The following VWA3B variants were observed in gnomAD, a reference collection of about 807,000 sequenced individuals.
The protein encoded by VWA3B is von Willebrand factor A domain containing 3B.
In VWA3B, 138 loss-of-function variants were observed where a neutral mutation model predicts 158.3. That is an observed-to-expected ratio of 0.87 (90% CI 0.76 to 1.00). VWA3B has a LOEUF of 1.00. Ranked by LOEUF, VWA3B falls within the 50% of genes least tolerant of loss-of-function variation. VWA3B has a pLI of 0.00. For synonymous variants in VWA3B, 596 were observed against 587.3 expected, an observed-to-expected ratio of 1.01 and a Z score of -0.21; for missense variants, 1,555 against 1,565.1, an observed-to-expected ratio of 0.99 and a Z score of 0.11.
At chr2:98,303,070 G>T (rs1382610102) in intron 25 of VWA3B, among the ~76,000 whole-genome samples, 2 of 152,174 alleles carry the variant, frequency 1.3e-5, no homozygotes, top group African/African-American at 4.8e-5. Context: ...TGATGTGTGG[G>T]ACCATTCTGG....
chr2:98,330,425 C>G, the VWA3B span, among the ~76,000 whole-genome samples: 1 of 152,176 alleles, frequency 6.6e-6, no homozygotes, highest in African/African-American at 2.4e-5. Flanking sequence ...TTGTGCCCAT[C>G]AGAGAAACAT....
At chr2:98,244,110 T>C (rs557995157) in intron 19 of VWA3B, among the ~76,000 whole-genome samples, 2 of 152,348 alleles carry the variant, frequency 1.3e-5, no homozygotes, top group East Asian at 3.9e-4. Context: ...AATCAATAGC[T>C]GTGGGCACAG....
chr2:98,172,740 C>G lies in VWA3B; in HGVS notation c.1115-8276C>G, dbSNP rs572874677. On this transcript the variant is annotated intron_variant, in intron 8 of 27. Coordinates refer to ENST00000477737, the MANE Select transcript of VWA3B (RefSeq NM_144992.5). ...GATGGATATGGTGTCGTCCACTACA[C>G]TGAGAGAATGCTGGAGGAGAACTGG... Among the ~76,000 whole-genome samples the G allele has an allele frequency of 5.3e-5, 8 of 152,224 alleles. No individual in the cohort carries two copies. In the East Asian group the frequency reaches 9.6e-4, roughly 18 times the overall value.
In VWA3B at chr2:98,105,268, T is replaced by C. The variant is rs375179805; in HGVS notation, c.197-10384T>C. Reference sequence around the variant, plus strand: ...CTCATTCATTCATTCATTTATCCATTTGTACATCCATACTTATATATTCTG... The same window carrying C: ...CTCATTCATTCATTCATTTATCCATCTGTACATCCATACTTATATATTCTG... On this transcript the variant is annotated intron_variant, in intron 2 of 27. Coordinates refer to ENST00000477737, the MANE Select transcript of VWA3B (RefSeq NM_144992.5). Among the ~76,000 whole-genome samples the C allele has an allele frequency of 6.6e-5, 10 of 152,344 alleles. No individual in the cohort carries two copies. In the East Asian group the frequency reaches 1.5e-3, roughly 23 times the overall value.
chr2:98,105,764 A>AT (rs36103624), intron 2 of VWA3B, among the ~76,000 whole-genome samples: 16,343 of 148,556 alleles, frequency 0.11, 1,136 homozygotes, highest in African/African-American at 0.2. Context: ...CAAATGGTTC[A>AT]TTTTTTTTTT....
chr2:98,090,775 A>C lies in VWA3B; in HGVS notation c.-32-2286A>C, dbSNP rs148070864. On this transcript the variant is annotated intron_variant, in intron 1 of 27. Transcript: ENST00000477737. Reference sequence around the variant, plus strand: ...TTTTTTTGAGACTGAGTCTCGCTAAAGACAAGTTCTTGCTCTGTTGCCCAG... The same window carrying C: ...TTTTTTTGAGACTGAGTCTCGCTAACGACAAGTTCTTGCTCTGTTGCCCAG... Among the ~76,000 whole-genome samples, 373 of 152,116 alleles carry C rather than the reference A, an allele frequency of 2.5e-3. 3 individuals carry two copies. The highest frequency in any genetic ancestry group is 0.019 in the East Asian group (99 of 5,184).
chr2:98,271,959 A>C (rs951176655), intron 22 of VWA3B, among the ~76,000 whole-genome samples: 1 of 152,204 alleles, frequency 6.6e-6, no homozygotes, highest in African/African-American at 2.4e-5. Flanking sequence ...TGGGAAAAAC[A>C]GTTCTCTCAA....
chr2:98,122,443 G>A (rs1191425836), intron 5 of VWA3B, among the ~76,000 whole-genome samples: 1 of 152,190 alleles, frequency 6.6e-6, no homozygotes, highest in Non-Finnish European at 1.5e-5. Context: ...AATACTGAGG[G>A]CAATGGTTTG....
intron 1 of VWA3B, among the ~76,000 whole-genome samples, chr2:98,088,628 G>A (rs988976655): frequency 3.9e-5 from 6 of 152,056 alleles, no homozygotes; most frequent in African/African-American, 9.7e-5. Flanking sequence ...GCTCAACTCC[G>A]GTATGTTGTT....
At chr2:98,123,708 C>T (rs1409511407) in intron 5 of VWA3B, among the ~76,000 whole-genome samples, 1 of 152,168 alleles carries the variant, frequency 6.6e-6, no homozygotes, top group Non-Finnish European at 1.5e-5. Flanking sequence ...GGGTTGACAT[C>T]CTCAGAGACC....
chr2:98,295,505 C>A (rs1365543491), intron 23 of VWA3B, among the ~76,000 whole-genome samples: 2 of 152,200 alleles, frequency 1.3e-5, no homozygotes, highest in East Asian at 3.9e-4. Flanking sequence ...TACAGGACAA[C>A]CCCGACTGAG....
At chr2:98,230,022 G>T (rs1343450003) in intron 15 of VWA3B, 28 bp from the exon 16 acceptor site, 4 of 1,537,192 alleles carry the variant, frequency 2.6e-6, no homozygotes, top group Non-Finnish European at 1.7e-6. Flanking sequence ...CTCTTTTTTT[G>T]CTCGACTTTT....
intron 12 of VWA3B, among the ~76,000 whole-genome samples, chr2:98,201,509 T>G (rs1221180987): frequency 6.6e-6 from 1 of 152,218 alleles, no homozygotes; most frequent in African/African-American, 2.4e-5. Flanking sequence ...GCTAAGACTT[T>G]CAGTATGATG....
At chr2:98,161,127 C>T (rs1243884320) in intron 7 of VWA3B, among the ~76,000 whole-genome samples, 2 of 152,138 alleles carry the variant, frequency 1.3e-5, no homozygotes, top group Non-Finnish European at 1.5e-5. Flanking sequence ...TATTGGGCAT[C>T]AGTTAATTAT....
intron 7 of VWA3B, among the ~76,000 whole-genome samples, chr2:98,153,705 T>C (rs985107583): frequency 3.3e-5 from 5 of 152,356 alleles, no homozygotes; most frequent in Admixed American, 6.5e-5. Flanking sequence ...TTCAGAAGTC[T>C]CCTTCCTTCC....
intron 2 of VWA3B, among the ~76,000 whole-genome samples, chr2:98,112,938 C>T (rs1341012795): frequency 1.3e-5 from 2 of 151,822 alleles, no homozygotes; most frequent in Admixed American, 6.6e-5. Context: ...GCTGTGAAGC[C>T]CATACAGATA....
chr2:98,270,899 G>T lies in VWA3B; in HGVS notation c.3045+16G>T. The T allele has an allele frequency of 6.2e-7, 1 of 1,612,142 alleles. No homozygotes were observed. The highest frequency in any genetic ancestry group is 1.1e-5 in the South Asian group (1 of 90,952). Reference sequence around the variant, plus strand: ...CCCGGGAGAGGTGGGTGCCCTGGAGGTCTCTGTCTTTCCTCCCTCTCTGCC... The same window carrying T: ...CCCGGGAGAGGTGGGTGCCCTGGAGTTCTCTGTCTTTCCTCCCTCTCTGCC... On this transcript the variant is annotated intron_variant, in intron 22 of 27. Transcript: ENST00000477737.
chr2:98,190,300 A>T (rs911949230), intron 10 of VWA3B, among the ~76,000 whole-genome samples: 1 of 152,196 alleles, frequency 6.6e-6, no homozygotes, highest in African/African-American at 2.4e-5. Flanking sequence ...ATATTACAGG[A>T]ATCTTACAAC....
intron 18 of VWA3B, 36 bp from the exon 19 acceptor site, chr2:98,236,538 T>G: frequency 6.2e-7 from 1 of 1,613,802 alleles, no homozygotes; most frequent in Non-Finnish European, 8.5e-7. Context: ...ACCATCAAGT[T>G]GTAAATTTTA....
Sources: gnomAD v4.1 joint callset for allele counts (sites outside exome capture counted in the v4.1 genomes callset) on GRCh38, gnomAD v4.1.1 for gene constraint, MANE v1.5 for transcripts, NCBI Gene and HGNC (gene_info 2026-07-23, HGNC 2026-07-21) for gene names.